DHRS3: variants seen among roughly 807,000 people sequenced by gnomAD.
DHRS3 encodes the protein dehydrogenase/reductase 3.
Under a neutral mutation model 27.2 loss-of-function variants are expected in DHRS3, and 14 were observed. That is an observed-to-expected ratio of 0.52 (90% CI 0.34 to 0.81). The LOEUF (loss-of-function observed/expected upper bound fraction) is 0.81, where lower values mean the gene tolerates loss of function less well. Among genes scored for constraint, DHRS3 ranks in the 30% least tolerant of loss-of-function variants. The pLI is 0.01. For missense variants in DHRS3, 322 were observed against 406.2 expected (o/e 0.79, Z 1.78); for synonymous variants, 165 against 175.9 (o/e 0.94, Z 0.49).
chr1:12,583,241 C>T (rs985404293), intron 1 of DHRS3, among the ~76,000 whole-genome samples: 3 of 149,624 alleles, frequency 2.0e-5, no homozygotes, highest in Non-Finnish European at 3.0e-5. Flanking sequence ...CCCACTGTAC[C>T]CACTCACCTA....
At chr1:12,576,390 G>A (rs1395463680) in intron 4 of DHRS3, among the ~76,000 whole-genome samples, 3 of 151,914 alleles carry the variant, frequency 2.0e-5, no homozygotes, top group African/African-American at 2.4e-5. Context: ...GTGAAACCCT[G>A]TCTCTACCAA....
chr1:12,570,523 C>T (rs912064841), intron 5 of DHRS3, among the ~76,000 whole-genome samples: 47 of 152,284 alleles, frequency 3.1e-4, no homozygotes, highest in African/African-American at 1.1e-3. Context: ...TTGCTTTCTC[C>T]TGGGGAAGGT....
In DHRS3 at chr1:12,608,563, C is replaced by T. The variant is rs917057046; in HGVS notation, c.195+8591G>A. 1.3e-5 allele frequency among the ~76,000 whole-genome samples: 2 copies of T among 152,126 alleles called. No homozygotes were observed. Among genetic ancestry groups the T allele is most frequent in the African/African-American group, 4.8e-5 (2 of 41,420 alleles). ...GCTGGTGTCCTCTTTTCCTCCTGCC[C>T]CCTGCCCCTGCCCCTGCCTGTGTCA... On this transcript the variant is annotated intron_variant, in intron 1 of 5. Coordinates refer to ENST00000616661, the MANE Select transcript of DHRS3 (RefSeq NM_004753.7). This position sits in a 1 kb window ranked among gnomAD's most constrained non-coding sequence, Gnocchi z 4.1.
intron 1 of DHRS3, among the ~76,000 whole-genome samples, chr1:12,605,401 T>C (rs779315271): frequency 6.6e-6 from 1 of 152,206 alleles, no homozygotes; most frequent in African/African-American, 2.4e-5. Flanking sequence ...CATAGTCATG[T>C]ACAATACCAT....
Position 12,592,805 on chromosome 1 carries a change from C to T in DHRS3, c.196-12139G>A, listed in dbSNP as rs1386511691. Among the ~76,000 whole-genome samples the T allele has an allele frequency of 6.6e-6, 1 of 152,198 alleles. No homozygotes were observed. Among genetic ancestry groups the T allele is most frequent in the Non-Finnish European group, 1.5e-5 (1 of 68,034 alleles). On this transcript the variant is annotated intron_variant, in intron 1 of 5. Transcript: ENST00000616661. This position sits in a 1 kb window ranked among gnomAD's most constrained non-coding sequence, Gnocchi z 4.2. ...GACGGAGGCTGCTTCCCCTCCACAC[C>T]ACTCCCTGTTTTCAGATGCCAAGCT...
rs1188454175 is a variant in DHRS3, at chr1:12,578,350, C to T, written c.698+368G>A. Among the ~76,000 whole-genome samples, 1 of 152,242 alleles carries T rather than the reference C, an allele frequency of 6.6e-6. No individual in the cohort carries two copies. The highest frequency in any genetic ancestry group is 1.5e-5 in the Non-Finnish European group (1 of 68,046). Reference sequence around the variant, plus strand: ...TTTGAGACAGGGTCTCACTCTCTCTCCCAGGCTGGAGTGCAGTCGCACAAT... The same window carrying T: ...TTTGAGACAGGGTCTCACTCTCTCTTCCAGGCTGGAGTGCAGTCGCACAAT... On this transcript the variant is annotated intron_variant, in intron 4 of 5. Coordinates refer to ENST00000616661, the MANE Select transcript of DHRS3 (RefSeq NM_004753.7). This position sits in a 1 kb window ranked among gnomAD's most constrained non-coding sequence, Gnocchi z 4.5.
intron 1 of DHRS3, among the ~76,000 whole-genome samples, chr1:12,599,004 C>T (rs1646818152): frequency 6.6e-6 from 1 of 152,252 alleles, no homozygotes; most frequent in Non-Finnish European, 1.5e-5. Flanking sequence ...GGCTCAATCA[C>T]ACACCAGGCT....
At chr1:12,569,637 G>A (rs1646518477) in intron 5 of DHRS3, among the ~76,000 whole-genome samples, 1 of 152,086 alleles carries the variant, frequency 6.6e-6, no homozygotes, top group Admixed American at 6.5e-5. Context: ...GCGATCTGGG[G>A]TCACTGCAAC....
intron 5 of DHRS3, among the ~76,000 whole-genome samples, chr1:12,569,227 T>TCACACACACAAACACACA (rs1557509296): frequency 7.4e-6 from 1 of 135,920 alleles, no homozygotes; most frequent in African/African-American, 2.7e-5. Context: ...CCTCTCTCTC[T>TCACACACACAAACACACA]CTCTCACACA....
chr1:12,568,177 A>C lies in DHRS3; in HGVS notation c.*163T>G, dbSNP rs1646501023. The C allele has an allele frequency of 1.5e-6, 1 of 658,474 alleles. No homozygotes were observed. Among genetic ancestry groups the C allele is most frequent in the African/African-American group, 1.8e-5 (1 of 55,574 alleles). The allele number at this position is 658,474 out of a possible 1,614,324, so 40.8% of individuals were successfully genotyped here. A position where few individuals can be genotyped will look rare whatever the true frequency, so the allele number is the denominator to read the frequency against. ...TCAGTTATACCCATCAGTCCTGTGC[A>C]AAGGTCCTGGGACTGGCCCAGGGGC... On this transcript the variant is annotated 3_prime_UTR_variant, in exon 6 of 6. Transcript: ENST00000616661.
At chr1:12,587,715 A>C (rs1308572047) in intron 1 of DHRS3, among the ~76,000 whole-genome samples, 1 of 140,426 alleles carries the variant, frequency 7.1e-6, no homozygotes, top group Non-Finnish European at 1.5e-5. Flanking sequence ...TCAAAAAAAC[A>C]AAAACCAAAA....
At chr1:12,576,127 C>T (rs1434816261) in intron 4 of DHRS3, among the ~76,000 whole-genome samples, 1 of 152,158 alleles carries the variant, frequency 6.6e-6, no homozygotes, top group East Asian at 1.9e-4. Context: ...TGGGTTCACG[C>T]TCTGAAAAAA....
intron 1 of DHRS3, among the ~76,000 whole-genome samples, chr1:12,612,912 G>A (rs951603308): frequency 3.9e-5 from 6 of 152,050 alleles, no homozygotes; most frequent in African/African-American, 1.4e-4. Context: ...TACAAAATGA[G>A]TTGGGCATGG....
intron 1 of DHRS3, among the ~76,000 whole-genome samples, chr1:12,600,770 C>T (rs1646830490): frequency 6.6e-6 from 1 of 152,206 alleles, no homozygotes; most frequent in South Asian, 2.1e-4. Flanking sequence ...TCACTAGCAA[C>T]CATGACCTAG....
At chr1:12,614,939 A>G (rs1646934740) in intron 1 of DHRS3, among the ~76,000 whole-genome samples, 1 of 151,896 alleles carries the variant, frequency 6.6e-6, no homozygotes, top group Non-Finnish European at 1.5e-5. Context: ...CTGGTCTAGT[A>G]CTCTTGGGCC....
intron 1 of DHRS3, among the ~76,000 whole-genome samples, chr1:12,585,481 C>G (rs3121606): frequency 0.82 from 124,423 of 152,060 alleles, 51,212 homozygotes; most frequent in South Asian, 0.89. Flanking sequence ...CAGGGAAGCG[C>G]GGCTGGGCAC....
At chr1:12,584,791 C>T (rs1359516629) in intron 1 of DHRS3, among the ~76,000 whole-genome samples, 4 of 152,200 alleles carry the variant, frequency 2.6e-5, no homozygotes, top group Non-Finnish European at 4.4e-5. Context: ...AGGTGAGGCT[C>T]TGGCTGCTGT....
Position 12,569,227 on chromosome 1 carries a change from T to TCACACACACACACA in DHRS3, c.825-804_825-803insTGTGTGTGTGTGTG, listed in dbSNP as rs1557509296. Among the ~76,000 whole-genome samples, 1,031 of 135,894 alleles carry TCACACACACACACA rather than the reference T, an allele frequency of 7.6e-3. 11 individuals are homozygous for TCACACACACACACA. Among genetic ancestry groups the TCACACACACACACA allele is most frequent in the African/African-American group, 0.023 (858 of 37,328 alleles). The allele number at this position is 135,894 out of a possible 152,430, so 89.2% of individuals were successfully genotyped here. A position where few individuals can be genotyped will look rare whatever the true frequency, so the allele number is the denominator to read the frequency against. The stretch of plus-strand genomic sequence containing the variant: ...AGTAAAACTCTGTCCCCTCTCTCTC[T>TCACACACACACACA]CTCTCACACACACACACACACACAC... On this transcript the variant is annotated intron_variant, in intron 5 of 5. Transcript: ENST00000616661.
chr1:12,579,200 T>C lies in DHRS3; in HGVS notation c.459+93A>G, dbSNP rs559544142. 43 of 1,599,214 alleles carry C rather than the reference T, an allele frequency of 2.7e-5. No homozygotes were observed. The South Asian group carries it at 4.7e-4, about 17-fold the overall frequency. Reference sequence around the variant, plus strand: ...TTGTTCGTGGACATCCCTGCTGGCCTGAGCCCAAGCCCTGGCAAATCATCC... The same window carrying C: ...TTGTTCGTGGACATCCCTGCTGGCCCGAGCCCAAGCCCTGGCAAATCATCC... On this transcript the variant is annotated intron_variant, in intron 3 of 5. Coordinates refer to ENST00000616661, the MANE Select transcript of DHRS3 (RefSeq NM_004753.7).
Sources: allele counts gnomAD v4.1 joint callset (sites outside exome capture counted in the v4.1 genomes callset), GRCh38; gene constraint gnomAD v4.1.1; non-coding constraint Gnocchi (gnomAD v3.1); transcripts MANE v1.5; gene names NCBI Gene and HGNC (gene_info 2026-07-23, HGNC 2026-07-21).